RASEF: variants seen among roughly 807,000 people sequenced by gnomAD.
The protein encoded by RASEF is RAS and EF-hand domain containing, also known as ras and EF-hand domain-containing protein.
RASEF carries 68 observed loss-of-function variants against 90.1 expected under a neutral mutation model. That is an observed-to-expected ratio of 0.75 (90% CI 0.62 to 0.92). The LOEUF (loss-of-function observed/expected upper bound fraction) is 0.92. RASEF is among the 40% of genes least tolerant of loss of function. RASEF has a pLI of 0.00. For synonymous variants in RASEF, 331 were observed against 345.2 expected (o/e 0.96, Z 0.46); for missense variants, 949 against 937.2 (o/e 1.01, Z -0.16).
the RASEF span, among the ~76,000 whole-genome samples, chr9:83,205,904 C>G: frequency 6.6e-6 from 1 of 152,144 alleles, no homozygotes; most frequent in South Asian, 2.1e-4. Flanking sequence ...CCTCCTATAG[C>G]TGGTCATTCT....
chr9:83,166,597 T>C, the RASEF span, among the ~76,000 whole-genome samples: 6 of 152,270 alleles, frequency 3.9e-5, no homozygotes, highest in East Asian at 1.9e-4. Context: ...TACGGTTTCA[T>C]TGGACAGAAT....
rs112191278 is a variant in RASEF at position 83,015,193 on chromosome 9, C to T, written c.765+612G>A. 5.1e-3 allele frequency among the ~76,000 whole-genome samples: 784 copies of T among 152,300 alleles called. 10 individuals carry two copies. The highest frequency in any genetic ancestry group is 0.018 in the African/African-American group (729 of 41,574). ...GGGGTAGGGACACGGGGATATTTGA[C>T]ATGACCAAGAAAAACAGTCATGAAG... On this transcript the variant is annotated intron_variant, in intron 4 of 16. Coordinates refer to ENST00000376447, the MANE Select transcript of RASEF (RefSeq NM_152573.4).
At chr9:83,126,215 G>A in the RASEF span, among the ~76,000 whole-genome samples, 1 of 152,088 alleles carries the variant, frequency 6.6e-6, no homozygotes, top group South Asian at 2.1e-4. Context: ...AGAGTTTTTC[G>A]GAGGTAATTA....
chr9:83,136,469 T>C, the RASEF span, among the ~76,000 whole-genome samples: 1 of 152,130 alleles, frequency 6.6e-6, no homozygotes, highest in Non-Finnish European at 1.5e-5. Flanking sequence ...ACTACTTCAT[T>C]AAGATAAATT....
intron 1 of RASEF, chr9:83,048,206 AT>A: frequency 3.0e-6 from 3 of 985,442 alleles, no homozygotes; most frequent in Non-Finnish European, 2.4e-6. Context: ...CTTGGAGGTC[AT>A]CTGACAGGGA....
intron 1 of RASEF, among the ~76,000 whole-genome samples, chr9:83,030,338 C>CA (rs1466988630): frequency 2.0e-5 from 3 of 150,054 alleles, no homozygotes; most frequent in African/African-American, 4.9e-5. Flanking sequence ...GCCTGGGTGA[C>CA]AGAGTGAGAC....
At chr9:83,008,913 T>TAC (rs1270841909) in intron 6 of RASEF, among the ~76,000 whole-genome samples, 7 of 125,298 alleles carry the variant, frequency 5.6e-5, no homozygotes, top group African/African-American at 2.0e-4. Context: ...TATATATATA[T>TAC]ATATATATAT....
chr9:83,102,245 T>A, the RASEF span, among the ~76,000 whole-genome samples: 5 of 152,038 alleles, frequency 3.3e-5, no homozygotes. Flanking sequence ...CCCAGCTAAT[T>A]TTTTGTATTT....
the RASEF span, among the ~76,000 whole-genome samples, chr9:83,111,312 C>G: frequency 6.6e-6 from 1 of 152,080 alleles, no homozygotes; most frequent in African/African-American, 2.4e-5. Context: ...AAAATAAATA[C>G]AAGAGAGTAG....
At chr9:83,071,544 C>T in the RASEF span, among the ~76,000 whole-genome samples, 1 of 152,034 alleles carries the variant, frequency 6.6e-6, no homozygotes, top group Non-Finnish European at 1.5e-5. Flanking sequence ...TAGCTGGAAC[C>T]ACAGGCGCAC....
intron 4 of RASEF, among the ~76,000 whole-genome samples, chr9:83,013,166 C>T (rs1380807032): frequency 3.3e-5 from 5 of 152,134 alleles, no homozygotes; most frequent in Admixed American, 6.5e-5. Context: ...TTACAATTAC[C>T]AGACTAAATT....
At chr9:83,055,418 G>T (rs151007842) in intron 1 of RASEF, 4 of 591,382 alleles carry the variant, frequency 6.8e-6, no homozygotes, top group African/African-American at 1.9e-5. Flanking sequence ...CACGGTGCGC[G>T]CACACACTGG....
intron 4 of RASEF, 59 bp downstream of exon 4, chr9:83,015,746 G>T: frequency 8.2e-7 from 1 of 1,221,646 alleles, no homozygotes; most frequent in South Asian, 1.2e-5. Flanking sequence ...GGTTGTTAAT[G>T]GCTTAGATAC....
rs902558282 is a variant in RASEF, at chr9:82,990,331, G to A, written c.2117+60C>T. 19 of 1,129,482 alleles carry A rather than the reference G, an allele frequency of 1.7e-5. 1 individual carries two copies. In the Admixed American group the frequency reaches 2.2e-4, roughly 13 times the overall value. The allele number at this position is 1,129,482 out of a possible 1,614,324, so 70.0% of individuals were successfully genotyped here. A position where few individuals can be genotyped will look rare whatever the true frequency, so the allele number is the denominator to read the frequency against. ...TATTCTATCTGCACATTATGGACAA[G>A]AAATGTGTCATATGCAACAAGCGAA... On this transcript the variant is annotated intron_variant, in intron 16 of 16. Coordinates refer to ENST00000376447, the MANE Select transcript of RASEF (RefSeq NM_152573.4).
chr9:83,023,370 C>T (rs1301847748), intron 2 of RASEF, among the ~76,000 whole-genome samples: 3 of 152,266 alleles, frequency 2.0e-5, no homozygotes, highest in South Asian at 2.1e-4. Flanking sequence ...GTGATTCATT[C>T]GGACAAATGA....
rs115503837 is a variant in RASEF, at chr9:83,017,723, T to C, written c.670-1823A>G. ...TCATTCTAGGAGACCAGAATTTGCC[T>C]GACGCCAAAATAAGACAAAAGCATT... On this transcript the variant is annotated intron_variant, in intron 3 of 16. Coordinates refer to ENST00000376447, the MANE Select transcript of RASEF (RefSeq NM_152573.4). Among the ~76,000 whole-genome samples the C allele has an allele frequency of 7.2e-3, 1,098 of 152,344 alleles. 13 individuals are homozygous for C. The highest frequency in any genetic ancestry group is 0.025 in the African/African-American group (1,041 of 41,582).
chr9:83,173,671 T>G, the RASEF span, among the ~76,000 whole-genome samples: 1 of 151,930 alleles, frequency 6.6e-6, no homozygotes, highest in African/African-American at 2.4e-5. Flanking sequence ...TTCACTGAGC[T>G]TCCTCAAGGT....
At chr9:83,134,449 C>CACACAT in the RASEF span, among the ~76,000 whole-genome samples, 192 of 139,390 alleles carry the variant, frequency 1.4e-3, no homozygotes, top group Admixed American at 3.6e-3. Context: ...CACACACACA[C>CACACAT]ATATATATAT....
chr9:83,131,292 T>C, the RASEF span, among the ~76,000 whole-genome samples: 1 of 152,156 alleles, frequency 6.6e-6, no homozygotes, highest in Admixed American at 6.6e-5. Context: ...GAAAATAAAT[T>C]ATTTTGCATC....
Sources: gnomAD v4.1 joint callset for allele counts (sites outside exome capture counted in the v4.1 genomes callset) on GRCh38, gnomAD v4.1.1 for gene constraint, MANE v1.5 for transcripts, NCBI Gene and HGNC (gene_info 2026-07-23, HGNC 2026-07-21) for gene names.